PTPRG: variants seen among roughly 807,000 people sequenced by gnomAD.
PTPRG encodes protein tyrosine phosphatase receptor type G.
A neutral mutation model predicts 165.3 loss-of-function variants in PTPRG; 102 were observed. The observed-to-expected ratio is 0.62, with a 90% CI of 0.53 to 0.73. PTPRG has a LOEUF of 0.73. Ranked by LOEUF, PTPRG falls within the 30% of genes least tolerant of loss-of-function variation. The pLI is 0.00. For synonymous variants in PTPRG, 675 were observed against 669.5 expected (o/e 1.01, Z -0.13); for missense variants, 1,866 against 1,861.4 (o/e 1.00, Z -0.05).
intron 4 of PTPRG, among the ~76,000 whole-genome samples, chr3:62,041,515 G>C (rs989005951): frequency 8.5e-5 from 13 of 152,238 alleles, no homozygotes; most frequent in Admixed American, 2.0e-4. Context: ...AGGAAATTCT[G>C]CCGAACCTCT....
chr3:61,792,332 C>T (rs1005994682), intron 2 of PTPRG, among the ~76,000 whole-genome samples: 3 of 151,982 alleles, frequency 2.0e-5, no homozygotes, highest in African/African-American at 7.3e-5. Flanking sequence ...CCACAGGCAC[C>T]CACCCCCGTC....
rs897769139 is a variant in PTPRG at position 61,859,537 on chromosome 3, G to A, written c.190+110555G>A. ...TGGCTTTGGAAAAATTTGTTTAAGC[G>A]AAATTCTATGAGCCCCCAGGACAAT... On this transcript the variant is annotated intron_variant, in intron 2 of 29. Coordinates refer to ENST00000474889, the MANE Select transcript of PTPRG (RefSeq NM_002841.4). Among the ~76,000 whole-genome samples the A allele has an allele frequency of 2.6e-5, 4 of 151,406 alleles. No homozygotes were observed. In the East Asian group the frequency reaches 5.8e-4, roughly 22 times the overall value.
chr3:61,926,575 T>G, intron 2 of PTPRG, among the ~76,000 whole-genome samples: 1 of 100,426 alleles, frequency 1.0e-5, no homozygotes, highest in African/African-American at 4.1e-5. Flanking sequence ...TCCTCCTTTC[T>G]TCCCCTTCCC....
intron 1 of PTPRG, among the ~76,000 whole-genome samples, chr3:61,626,176 A>T (rs1167159388): frequency 6.6e-6 from 1 of 152,170 alleles, no homozygotes; most frequent in Non-Finnish European, 1.5e-5. Flanking sequence ...TGCTTCGTAG[A>T]TGAATTACTT....
chr3:62,083,251 G>A (rs1465437145), intron 5 of PTPRG, among the ~76,000 whole-genome samples: 1 of 147,238 alleles, frequency 6.8e-6, no homozygotes, highest in Admixed American at 6.7e-5. Context: ...CGCGGTTTTT[G>A]CCATTACTTT....
At chr3:61,563,799 G>A (rs1699832447) in intron 1 of PTPRG, among the ~76,000 whole-genome samples, 2 of 108,554 alleles carry the variant, frequency 1.8e-5, no homozygotes, top group Admixed American at 2.0e-4. Context: ...GGGAGCCCTC[G>A]TCGCCCTTGG....
At chr3:61,913,942 A>G (rs2038867058) in intron 2 of PTPRG, among the ~76,000 whole-genome samples, 1 of 152,238 alleles carries the variant, frequency 6.6e-6, no homozygotes, top group Non-Finnish European at 1.5e-5. Flanking sequence ...CTCAGCTCTC[A>G]GAGATCGGTC....
At position 61,833,916 on chromosome 3, in the gene PTPRG, A is replaced by G. The variant is rs553544649; in HGVS notation, c.190+84934A>G. Among the ~76,000 whole-genome samples the G allele has an allele frequency of 2.6e-5, 4 of 152,256 alleles. No individual in the cohort carries two copies. In the South Asian group the frequency reaches 8.3e-4, roughly 32 times the overall value. ...CATCTTTGAAAGGAGAGCTCTGTGT[A>G]AATGTTAGGTATTCTCATCCACAAA... On this transcript the variant is annotated intron_variant, in intron 2 of 29. Transcript: ENST00000474889.
At chr3:62,244,776 C>T (rs1026453339) in intron 15 of PTPRG, among the ~76,000 whole-genome samples, 4 of 152,114 alleles carry the variant, frequency 2.6e-5, no homozygotes, top group African/African-American at 9.7e-5. Flanking sequence ...TTTATAAGGG[C>T]AAGTGGCTAT....
At chr3:61,603,800 A>T (rs529081815) in intron 1 of PTPRG, among the ~76,000 whole-genome samples, 21 of 152,262 alleles carry the variant, frequency 1.4e-4, no homozygotes, top group African/African-American at 4.8e-4. Context: ...CTCCATCTTC[A>T]CATGGCACTC....
At chr3:61,565,841 T>A (rs987856386) in intron 1 of PTPRG, among the ~76,000 whole-genome samples, 1 of 151,878 alleles carries the variant, frequency 6.6e-6, no homozygotes, top group African/African-American at 2.4e-5. Context: ...ATGTGCGGGC[T>A]TTAGTTCTGA....
At chr3:61,628,831 A>G (rs1195654497) in intron 1 of PTPRG, among the ~76,000 whole-genome samples, 2 of 152,162 alleles carry the variant, frequency 1.3e-5, no homozygotes, top group African/African-American at 4.8e-5. Flanking sequence ...AATCACCCCT[A>G]TTTTGCAAGG....
At chr3:62,035,250 A>G (rs865871213) in intron 4 of PTPRG, among the ~76,000 whole-genome samples, 1 of 152,244 alleles carries the variant, frequency 6.6e-6, no homozygotes, top group Admixed American at 6.5e-5. Flanking sequence ...CATGGTCATC[A>G]GGCAGGGCTG....
At chr3:61,674,245 C>T (rs1204597391) in intron 1 of PTPRG, among the ~76,000 whole-genome samples, 1 of 151,578 alleles carries the variant, frequency 6.6e-6, no homozygotes, top group Non-Finnish European at 1.5e-5. Flanking sequence ...CAGAGATGGA[C>T]ATGTTAATGT....
chr3:62,218,848 C>T lies in PTPRG; in HGVS notation c.2156-3C>T. ...CTCTAACTGGGATGATTTCTCTTGGCAGCGGAAAAAAACACCTCTGGAATG... is the reference window on the plus strand; with the variant it reads ...CTCTAACTGGGATGATTTCTCTTGGTAGCGGAAAAAAACACCTCTGGAATG... On this transcript the variant is annotated splice_region_variant and splice_polypyrimidine_tract_variant and intron_variant, in intron 12 of 29. Coordinates refer to ENST00000474889, the MANE Select transcript of PTPRG (RefSeq NM_002841.4). 1 of 1,611,404 alleles carries T rather than the reference C, an allele frequency of 6.2e-7. No homozygotes were observed. The highest frequency in any genetic ancestry group is 1.7e-5 in the Admixed American group (1 of 59,602).
chr3:61,762,346 T>C (rs1169250089), intron 2 of PTPRG, among the ~76,000 whole-genome samples: 1 of 152,184 alleles, frequency 6.6e-6, no homozygotes, highest in African/African-American at 2.4e-5. Context: ...TGCTTCTGGC[T>C]GGGCATGGCG....
At position 62,018,367 on chromosome 3, in the gene PTPRG, A is replaced by G. The variant is rs180957556; in HGVS notation, c.519+14870A>G. On this transcript the variant is annotated intron_variant, in intron 4 of 29. Coordinates refer to ENST00000474889, the MANE Select transcript of PTPRG (RefSeq NM_002841.4). ...AAAAAGCCGTGCATCTTTAATGTGG[A>G]TATGATGCCTCTCCATTGTGCTCAA... is the stretch of plus-strand genomic sequence containing the variant. Among the ~76,000 whole-genome samples, 14 of 152,336 alleles carry G rather than the reference A, an allele frequency of 9.2e-5. No homozygotes were observed. In the East Asian group the frequency reaches 2.7e-3, roughly 29 times the overall value.
intron 10 of PTPRG, among the ~76,000 whole-genome samples, chr3:62,199,485 C>T (rs558337327): frequency 2.6e-5 from 4 of 152,112 alleles, no homozygotes; most frequent in Non-Finnish European, 4.4e-5. Context: ...GAAGGTGAGC[C>T]TAGTTTTGCC....
intron 2 of PTPRG, among the ~76,000 whole-genome samples, chr3:61,927,545 C>G (rs73842142): frequency 5.0e-4 from 76 of 152,336 alleles, no homozygotes; most frequent in African/African-American, 1.8e-3. Flanking sequence ...CCAGAAGCCT[C>G]TATCCCATTT....
Sources: gnomAD v4.1 joint callset for allele counts (sites outside exome capture counted in the v4.1 genomes callset) on GRCh38, gnomAD v4.1.1 for gene constraint, MANE v1.5 for transcripts, NCBI Gene and HGNC (gene_info 2026-07-23, HGNC 2026-07-21) for gene names.